The following CENPW variants were observed in gnomAD, a reference collection of about 807,000 sequenced individuals.
CENPW encodes centromere protein W.
Under a neutral mutation model 11.1 loss-of-function variants are expected in CENPW, and 3 were observed. The ratio of observed to expected loss-of-function variants is 0.27; its 90% CI spans 0.12 to 0.70. CENPW has a LOEUF of 0.70. Ranked by LOEUF, CENPW falls within the 30% of genes least tolerant of loss-of-function variation. CENPW has a pLI of 0.77. For synonymous variants in CENPW, 38 were observed against 42.0 expected (o/e 0.91, Z 0.37); for missense variants, 100 against 105.6 (o/e 0.95, Z 0.23).
the CENPW span, among the ~76,000 whole-genome samples, chr6:126,438,972 G>A: frequency 2.6e-5 from 4 of 151,730 alleles, no homozygotes; most frequent in African/African-American, 9.7e-5. Flanking sequence ...ATACAAAAGA[G>A]TATACATTGG....
At chr6:126,403,602 A>C in the CENPW span, among the ~76,000 whole-genome samples, 1 of 152,108 alleles carries the variant, frequency 6.6e-6, no homozygotes, top group Admixed American at 6.6e-5. Flanking sequence ...GAAGACTAGC[A>C]TAGGTTGATT....
chr6:126,464,652 T>G, the CENPW span, among the ~76,000 whole-genome samples: 3 of 152,184 alleles, frequency 2.0e-5, no homozygotes, highest in African/African-American at 7.2e-5. Context: ...TACCAGGGTC[T>G]CTTGGGCCTT....
At chr6:126,372,675 G>A in the CENPW span, among the ~76,000 whole-genome samples, 1 of 152,128 alleles carries the variant, frequency 6.6e-6, no homozygotes, top group East Asian at 1.9e-4. Flanking sequence ...TTAAGAATGA[G>A]GCCCTAAAGG....
At chr6:126,386,432 T>C in the CENPW span, among the ~76,000 whole-genome samples, 83 of 152,180 alleles carry the variant, frequency 5.5e-4, no homozygotes, top group African/African-American at 2.0e-3. Flanking sequence ...AAGTGCACTA[T>C]TAAACATGCC....
the CENPW span, among the ~76,000 whole-genome samples, chr6:126,412,196 C>T: frequency 2.0e-5 from 3 of 150,998 alleles, no homozygotes; most frequent in Non-Finnish European, 4.4e-5. Context: ...TCTTGTTGCC[C>T]AAGCTGGTCT....
the CENPW span, among the ~76,000 whole-genome samples, chr6:126,402,808 G>T: frequency 8.6e-5 from 13 of 152,038 alleles, no homozygotes; most frequent in Non-Finnish European, 1.6e-4. Context: ...TAATAATGCT[G>T]CTATGAATAT....
At chr6:126,441,587 CT>C in the CENPW span, among the ~76,000 whole-genome samples, 1 of 151,416 alleles carries the variant, frequency 6.6e-6, no homozygotes. Context: ...CAAGTTTAGC[CT>C]TTTGTCCCTC....
chr6:126,481,131 C>T, the CENPW span, among the ~76,000 whole-genome samples: 1 of 152,012 alleles, frequency 6.6e-6, no homozygotes, highest in African/African-American at 2.4e-5. Flanking sequence ...ATATTTCTTT[C>T]TTGTTTGCTT....
At chr6:126,370,924 T>C in the CENPW span, among the ~76,000 whole-genome samples, 1 of 151,126 alleles carries the variant, frequency 6.6e-6, no homozygotes, top group African/African-American at 2.4e-5. Context: ...GGCTAATTTT[T>C]TGTGTGTGTG....
At chr6:126,391,083 C>G in the CENPW span, among the ~76,000 whole-genome samples, 1 of 152,084 alleles carries the variant, frequency 6.6e-6, no homozygotes, top group Middle Eastern at 3.4e-3. Context: ...ACATACATTC[C>G]CACCAACAGT....
At chr6:126,340,504 A>T (rs1206792934) in intron 1 of CENPW, 105 bp downstream of exon 1, 31 of 1,549,326 alleles carry the variant, frequency 2.0e-5, no homozygotes, top group Non-Finnish European at 2.7e-5. Context: ...TAGCTCTTTC[A>T]GGCCCCTGTT....
chr6:126,422,927 G>A, the CENPW span, among the ~76,000 whole-genome samples: 2 of 152,082 alleles, frequency 1.3e-5, no homozygotes, highest in East Asian at 1.9e-4. Context: ...CTAGAACAAC[G>A]TCAAGTAACC....
chr6:126,413,647 A>G, the CENPW span, among the ~76,000 whole-genome samples: 1 of 152,012 alleles, frequency 6.6e-6, no homozygotes, highest in Non-Finnish European at 1.5e-5. Context: ...GGAGAAATAT[A>G]TAAAGCTCTG....
At chr6:126,447,605 A>G in the CENPW span, among the ~76,000 whole-genome samples, 1 of 151,168 alleles carries the variant, frequency 6.6e-6, no homozygotes, top group Non-Finnish European at 1.5e-5. Context: ...TCTTCCAGGT[A>G]TGATGTCAGA....
the CENPW span, among the ~76,000 whole-genome samples, chr6:126,370,493 T>G: frequency 1.3e-5 from 2 of 152,324 alleles, no homozygotes; most frequent in South Asian, 4.1e-4. Context: ...GTTAGGTATA[T>G]TCCTAAGTAT....
At chr6:126,413,440 T>C in the CENPW span, among the ~76,000 whole-genome samples, 3 of 152,110 alleles carry the variant, frequency 2.0e-5, no homozygotes, top group Admixed American at 1.3e-4. Context: ...ATACTTAAAG[T>C]GCTGAATGAA....
chr6:126,381,228 A>G, the CENPW span, among the ~76,000 whole-genome samples: 7 of 152,054 alleles, frequency 4.6e-5, no homozygotes, highest in Non-Finnish European at 1.0e-4. Flanking sequence ...TCTAATGATG[A>G]TATTTATTCT....
the CENPW span, among the ~76,000 whole-genome samples, chr6:126,439,851 A>G: frequency 2.0e-5 from 3 of 151,586 alleles, no homozygotes; most frequent in African/African-American, 4.8e-5. Context: ...GACTTTCTGT[A>G]TCATATTTAA....
the CENPW span, among the ~76,000 whole-genome samples, chr6:126,389,658 C>CTGTGTGTGTG: frequency 2.0e-5 from 3 of 149,340 alleles, no homozygotes; most frequent in East Asian, 5.9e-4. Context: ...GACCTTTGCT[C>CTGTGTGTGTG]TGTGTGTGTG....
Sources: gnomAD v4.1 joint callset for allele counts (sites outside exome capture counted in the v4.1 genomes callset) on GRCh38, gnomAD v4.1.1 for gene constraint, MANE v1.5 for transcripts, NCBI Gene and HGNC (gene_info 2026-07-23, HGNC 2026-07-21) for gene names.